The following PCDHGB4 variants were observed in gnomAD, a reference collection of about 807,000 sequenced individuals.
PCDHGB4 encodes protocadherin gamma-B4.
PCDHGB4 carries 38 observed loss-of-function variants against 60.5 expected under a neutral mutation model. The observed-to-expected ratio is 0.63, with a 90% CI of 0.48 to 0.82. The LOEUF (loss-of-function observed/expected upper bound fraction) is 0.82. PCDHGB4 is among the 40% of genes least tolerant of loss of function. The probability of loss-of-function intolerance (pLI) is 0.00; values close to 1 mark genes in which losing one functional copy is unlikely to be tolerated. For missense variants in PCDHGB4, 1,109 were observed against 1,209.6 expected (o/e 0.92, Z 1.23); for synonymous variants, 456 against 509.7 (o/e 0.89, Z 1.42).
rs369942815 is a variant in PCDHGB4, at chr5:141,485,334, T to A, written c.2398-9473T>A. 5.4e-5 allele frequency: 87 copies of A among 1,614,056 alleles called. No individual in the cohort carries two copies. Among genetic ancestry groups the A allele is most frequent in the Non-Finnish European group, 7.0e-5 (83 of 1,180,026 alleles). On this transcript the variant is annotated intron_variant, in intron 1 of 3. Coordinates refer to ENST00000519479, the MANE Select transcript of PCDHGB4 (RefSeq NM_003736.4). The surrounding 1 kb of genome is among the most constrained non-coding windows in gnomAD (Gnocchi z 5.7). Reference sequence around the variant, plus strand: ...GGGAATGTCGCTCAAGATTTCCTGCTGGATACGGACAGTCTGTCAGCTCGC... The same window carrying A: ...GGGAATGTCGCTCAAGATTTCCTGCAGGATACGGACAGTCTGTCAGCTCGC...
rs775331499 is a variant in PCDHGB4 at position 141,422,779 on chromosome 5, C to T, written c.2397+32498C>T. The T allele has an allele frequency of 8.7e-6, 14 of 1,614,070 alleles. No homozygotes were observed. In the East Asian group the frequency reaches 2.9e-4, roughly 33 times the overall value. ...CTCCAACACTGGTGTTCTCTATGCC[C>T]TACAATCCTTCGACTATGAGCAGTT... On this transcript the variant is annotated intron_variant, in intron 1 of 3. Transcript: ENST00000519479.
chr5:141,408,667 C>T, intron 1 of PCDHGB4: 1 of 1,613,954 alleles, frequency 6.2e-7, no homozygotes, highest in Non-Finnish European at 8.5e-7. Flanking sequence ...TATCGCTTGA[C>T]CCTGCCACGG....
At chr5:141,403,582 G>T in intron 1 of PCDHGB4, 1 of 1,613,910 alleles carries the variant, frequency 6.2e-7, no homozygotes. Context: ...CCCACCACCT[G>T]GTCCTCACGG....
At chr5:141,430,653 A>G (rs2097300223) in intron 1 of PCDHGB4, 4 of 1,073,410 alleles carry the variant, frequency 3.7e-6, no homozygotes, top group Middle Eastern at 2.4e-4. Context: ...TGTGGAAACA[A>G]CGGAGGAGCT....
At chr5:141,395,348 A>T (rs2093219591) in intron 1 of PCDHGB4, 1 of 1,391,964 alleles carries the variant, frequency 7.2e-7, no homozygotes, top group East Asian at 2.4e-5. Flanking sequence ...AAGGTGTATC[A>T]CAGAGTTTTG....
intron 1 of PCDHGB4, chr5:141,418,608 G>A (rs1265400499): frequency 6.2e-7 from 1 of 1,614,040 alleles, no homozygotes; most frequent in Admixed American, 1.7e-5. Flanking sequence ...TACAGGGTTA[G>A]CCTTCGGGAA....
rs1255551589 is a variant in PCDHGB4 at position 141,410,375 on chromosome 5, G to A, written c.2397+20094G>A. ...ACGCTCTCTCAGCCCTGCTACTTGG[G>A]ACTGCTTCCATCCTGGTCTCTGTGT... On this transcript the variant is annotated intron_variant, in intron 1 of 3. Coordinates refer to ENST00000519479, the MANE Select transcript of PCDHGB4 (RefSeq NM_003736.4). The A allele has an allele frequency of 6.2e-7, 1 of 1,614,028 alleles. No individual in the cohort carries two copies. Among genetic ancestry groups the A allele is most frequent in the Admixed American group, 1.7e-5 (1 of 60,022 alleles).
chr5:141,409,552 A>G, intron 1 of PCDHGB4: 8 of 1,613,962 alleles, frequency 5.0e-6, no homozygotes, highest in Non-Finnish European at 6.8e-6. Flanking sequence ...ACAACGCCCC[A>G]GTTTTCGACC....
In PCDHGB4 at chr5:141,490,963, G is replaced by GC; in HGVS notation, c.2398-3838dup. 6.2e-7 allele frequency: 1 copy of GC among 1,613,760 alleles called. No individual in the cohort carries two copies. On this transcript the variant is annotated intron_variant, in intron 1 of 3. Transcript: ENST00000519479. This position sits in a 1 kb window ranked among gnomAD's most constrained non-coding sequence, Gnocchi z 5.4. ...CCCACGGCCAGACTGGGAACACTCA[G>GC]CCCCCCAGCGTCTCCCTCGCTCTGC...
At chr5:141,448,748 G>A (rs1476665217) in intron 1 of PCDHGB4, among the ~76,000 whole-genome samples, 1 of 151,980 alleles carries the variant, frequency 6.6e-6, no homozygotes, top group Admixed American at 6.6e-5. Context: ...AGACCATCCT[G>A]GCTAACACGG....
At chr5:141,395,497 A>T in intron 1 of PCDHGB4, 1 of 472,724 alleles carries the variant, frequency 2.1e-6, no homozygotes, top group Non-Finnish European at 3.7e-6. Flanking sequence ...TCACTCATTC[A>T]CTTAAGAAGT....
intron 1 of PCDHGB4, chr5:141,420,092 G>A: frequency 1.2e-6 from 2 of 1,614,020 alleles, no homozygotes; most frequent in Non-Finnish European, 1.7e-6. Flanking sequence ...CAACTACAGT[G>A]AGGGAACGTT....
At chr5:141,418,409 G>T in intron 1 of PCDHGB4, 1 of 1,613,910 alleles carries the variant, frequency 6.2e-7, no homozygotes, top group Non-Finnish European at 8.5e-7. Flanking sequence ...GGTGGAGAAA[G>T]ACAATCCTGA....
intron 1 of PCDHGB4, chr5:141,409,594 C>G: frequency 1.2e-6 from 2 of 1,613,900 alleles, no homozygotes; most frequent in Non-Finnish European, 1.7e-6. Flanking sequence ...TGGCCGAGAA[C>G]AACCCGCCAG....
chr5:141,477,697 T>G lies in PCDHGB4; in HGVS notation c.2398-17110T>G, dbSNP rs745625196. ...TGTCATCCTTAGTGCCCCTAGACTA[T>G]GAGGATCGGCGGGAATTTGAATTAA... On this transcript the variant is annotated intron_variant, in intron 1 of 3. Coordinates refer to ENST00000519479, the MANE Select transcript of PCDHGB4 (RefSeq NM_003736.4). The surrounding 1 kb of genome is among the most constrained non-coding windows in gnomAD (Gnocchi z 4.9). 6.2e-7 allele frequency: 1 copy of G among 1,614,160 alleles called. No homozygotes were observed. Among genetic ancestry groups the G allele is most frequent in the South Asian group, 1.1e-5 (1 of 91,090 alleles).
chr5:141,498,673 T>C (rs1158071657), intron 2 of PCDHGB4, among the ~76,000 whole-genome samples: 1 of 152,180 alleles, frequency 6.6e-6, no homozygotes, highest in Non-Finnish European at 1.5e-5. Flanking sequence ...GGCTCACGCC[T>C]GTAATCCCAG....
chr5:141,432,511 C>T lies in PCDHGB4; in HGVS notation c.2397+42230C>T. ...AGCTGGCTCCCCGCTCCGCAGAGCC[C>T]GGCTACCTGGTGACCAAGGTGGTGG... is the stretch of plus-strand genomic sequence containing the variant. On this transcript the variant is annotated intron_variant, in intron 1 of 3. Coordinates refer to ENST00000519479, the MANE Select transcript of PCDHGB4 (RefSeq NM_003736.4). This position sits in a 1 kb window ranked among gnomAD's most constrained non-coding sequence, Gnocchi z 6.0. 1 of 1,614,118 alleles carries T rather than the reference C, an allele frequency of 6.2e-7. No homozygotes were observed. The highest frequency in any genetic ancestry group is 8.5e-7 in the Non-Finnish European group (1 of 1,180,042).
In PCDHGB4 at chr5:141,483,740, A is replaced by T. The variant is rs2099586227; in HGVS notation, c.2398-11067A>T. Among the ~76,000 whole-genome samples, 4 of 152,148 alleles carry T rather than the reference A, an allele frequency of 2.6e-5. No homozygotes were observed. The South Asian group carries it at 8.3e-4, about 32-fold the overall frequency. ...TGGTTCCCACCATAGTCAAAAGGATATTCCTGAGGATCGAGGCTTGGAAAA... is the reference window on the plus strand; with the variant it reads ...TGGTTCCCACCATAGTCAAAAGGATTTTCCTGAGGATCGAGGCTTGGAAAA... On this transcript the variant is annotated intron_variant, in intron 1 of 3. Transcript: ENST00000519479.
intron 1 of PCDHGB4, chr5:141,415,738 AGGTTTTTT>A: frequency 1.9e-6 from 1 of 538,082 alleles, no homozygotes; most frequent in Non-Finnish European, 2.7e-6. Flanking sequence ...ATGTTTATTA[AGGTTTTTT>A]TTTTTTTTTT....
Sources: allele counts gnomAD v4.1 joint callset (sites outside exome capture counted in the v4.1 genomes callset), GRCh38; gene constraint gnomAD v4.1.1; non-coding constraint Gnocchi (gnomAD v3.1); transcripts MANE v1.5; gene names NCBI Gene and HGNC (gene_info 2026-07-23, HGNC 2026-07-21).